Variants in GPC4 observed in about 807,000 individuals in gnomAD.
GPC4 encodes glypican-4.
A neutral mutation model predicts 35.0 loss-of-function variants in GPC4; 10 were observed. The ratio of observed to expected loss-of-function variants is 0.29; its 90% CI spans 0.18 to 0.48. GPC4 has a LOEUF of 0.48. Among genes scored for constraint, GPC4 ranks in the 20% least tolerant of loss-of-function variants. The pLI is 0.99. For missense variants in GPC4, 322 were observed against 451.3 expected (o/e 0.71, Z 2.60); for synonymous variants, 167 against 170.2 (o/e 0.98, Z 0.15).
intron 1 of GPC4, among the ~76,000 whole-genome samples, chrX:133,341,237 G>C (rs931559184): frequency 9.0e-6 from 1 of 111,457 alleles, no homozygotes; most frequent in Non-Finnish European, 1.9e-5. Flanking sequence ...GTTGAGGTAA[G>C]GGTTCCCTCC....
chrX:133,356,982 CTCTGT>C (rs1335602601), intron 1 of GPC4, among the ~76,000 whole-genome samples: 1 of 111,378 alleles, frequency 9.0e-6, no homozygotes, highest in Non-Finnish European at 1.9e-5. Context: ...TGACTGGACT[CTCTGT>C]TCTGAGTCTC....
At chrX:133,316,228 T>G (rs2068337707) in intron 3 of GPC4, among the ~76,000 whole-genome samples, 2 of 111,872 alleles carry the variant, frequency 1.8e-5, no homozygotes, top group African/African-American at 6.5e-5. Flanking sequence ...TATTAACTCA[T>G]TTAAGCCTCA....
At chrX:133,326,984 A>G (rs2068396867) in intron 2 of GPC4, among the ~76,000 whole-genome samples, 1 of 112,839 alleles carries the variant, frequency 8.9e-6, no homozygotes, top group Non-Finnish European at 1.9e-5. Context: ...TTGCGTTATT[A>G]TATGACCAGT....
At chrX:133,346,322 C>A (rs1184503449) in intron 1 of GPC4, among the ~76,000 whole-genome samples, 1 of 111,651 alleles carries the variant, frequency 9.0e-6, no homozygotes, top group Non-Finnish European at 1.9e-5. Context: ...TTCCCTGCCT[C>A]CAGACCCTAT....
intron 2 of GPC4, among the ~76,000 whole-genome samples, chrX:133,335,444 AACACACACACACAT>A (rs1385511873): frequency 3.6e-5 from 4 of 110,835 alleles, no homozygotes; most frequent in Admixed American, 9.7e-5. Context: ...CCCAAATCCG[AACACACACACACAT>A]ACACACACAC....
intron 1 of GPC4, among the ~76,000 whole-genome samples, chrX:133,355,146 A>G (rs1454388084): frequency 8.9e-6 from 1 of 112,008 alleles, no homozygotes; most frequent in Non-Finnish European, 1.9e-5. Context: ...GTTTCTATTA[A>G]TATTTTTTAT....
chrX:133,350,329 C>T (rs981526520), intron 1 of GPC4, among the ~76,000 whole-genome samples: 1 of 110,560 alleles, frequency 9.0e-6, no homozygotes, highest in Middle Eastern at 4.7e-3. Flanking sequence ...TCAAGATCAG[C>T]GTGGGCAACA....
intron 2 of GPC4, among the ~76,000 whole-genome samples, chrX:133,335,601 T>G (rs188924515): frequency 1.8e-5 from 2 of 111,726 alleles, no homozygotes; most frequent in Non-Finnish European, 1.9e-5. Flanking sequence ...GAGAAGGGAC[T>G]CATCTCTCAA....
chrX:133,322,082 T>C (rs1190120643), intron 3 of GPC4, among the ~76,000 whole-genome samples: 1 of 111,432 alleles, frequency 9.0e-6, no homozygotes. Context: ...TGAATATAAG[T>C]TTTCTCTCCA....
intron 2 of GPC4, among the ~76,000 whole-genome samples, chrX:133,335,205 C>G (rs2068436502): frequency 2.7e-5 from 3 of 111,040 alleles, no homozygotes; most frequent in African/African-American, 6.6e-5. Context: ...AAAAAATTCC[C>G]AGAATTGGCC....
rs763505833 is a variant in GPC4, at chrX:133,375,603, CTTGG to C, written c.161-36266_161-36263del. 2.0e-4 allele frequency among the ~76,000 whole-genome samples: 22 copies of C among 112,245 alleles called. No homozygotes were observed. The East Asian group carries it at 5.6e-3, about 29-fold the overall frequency. Reference sequence around the variant, plus strand: ...AATTTTTGAAAACAAACCACTTGTACTTGGGAATACCATAGTCTCTGGCCATTTA... The same window carrying C: ...AATTTTTGAAAACAAACCACTTGTACGAATACCATAGTCTCTGGCCATTTA... On this transcript the variant is annotated intron_variant, in intron 1 of 8. Transcript: ENST00000370828.
At chrX:133,315,895 C>T (rs1048516965) in intron 3 of GPC4, among the ~76,000 whole-genome samples, 29 of 111,010 alleles carry the variant, frequency 2.6e-4, no homozygotes, top group Admixed American at 2.3e-3. Flanking sequence ...CTACTTTTTA[C>T]GAAAGTCACA....
At chrX:133,373,025 G>T (rs1028518064) in intron 1 of GPC4, among the ~76,000 whole-genome samples, 1 of 111,569 alleles carries the variant, frequency 9.0e-6, no homozygotes, top group African/African-American at 3.3e-5. Flanking sequence ...CATATTTTTG[G>T]ACTGACAATA....
intron 3 of GPC4, among the ~76,000 whole-genome samples, chrX:133,320,372 A>T (rs1405549553): frequency 9.0e-6 from 1 of 111,646 alleles, no homozygotes; most frequent in African/African-American, 3.3e-5. Context: ...CATGCCTATA[A>T]TTCCAGCACT....
chrX:133,396,606 C>T (rs1255736674), intron 1 of GPC4, among the ~76,000 whole-genome samples: 2 of 111,903 alleles, frequency 1.8e-5, no homozygotes, highest in Non-Finnish European at 3.8e-5. Flanking sequence ...GCTGCTAGGA[C>T]TTCAAGAAGA....
At chrX:133,327,149 ATTT>A (rs2068397733) in intron 2 of GPC4, among the ~76,000 whole-genome samples, 1 of 112,342 alleles carries the variant, frequency 8.9e-6, no homozygotes, top group Non-Finnish European at 1.9e-5. Flanking sequence ...CTTATATTGA[ATTT>A]TTATTATATT....
intron 1 of GPC4, among the ~76,000 whole-genome samples, chrX:133,401,838 C>T (rs1030056906): frequency 9.0e-6 from 1 of 111,675 alleles, no homozygotes; most frequent in African/African-American, 3.3e-5. Context: ...TTCACTACTC[C>T]CCTTTAAAAA....
chrX:133,400,154 A>G (rs2068762177), intron 1 of GPC4, among the ~76,000 whole-genome samples: 1 of 111,974 alleles, frequency 8.9e-6, no homozygotes, highest in African/African-American at 3.3e-5. Context: ...ACAATATGCA[A>G]CCAGAGAAAG....
intron 1 of GPC4, among the ~76,000 whole-genome samples, chrX:133,371,687 T>A (rs764692077): frequency 8.9e-6 from 1 of 112,084 alleles, no homozygotes; most frequent in African/African-American, 3.2e-5. Flanking sequence ...TGAGTTGATT[T>A]CTCTTTGTCC....
Sources: allele counts gnomAD v4.1 joint callset (sites outside exome capture counted in the v4.1 genomes callset), GRCh38; gene constraint gnomAD v4.1.1; transcripts MANE v1.5; gene names NCBI Gene and HGNC (gene_info 2026-07-23, HGNC 2026-07-21).